The following RAB31 variants were observed in gnomAD, a reference collection of about 807,000 sequenced individuals.
RAB31 encodes ras-related protein Rab-31.
RAB31 carries 21 observed loss-of-function variants against 25.6 expected under a neutral mutation model. That is an observed-to-expected ratio of 0.82 (90% CI 0.58 to 1.18). The LOEUF (loss-of-function observed/expected upper bound fraction) is 1.18. RAB31 is among the 50% of genes most tolerant of loss of function. RAB31 has a pLI of 0.00. For missense variants in RAB31, 196 were observed against 250.1 expected (o/e 0.78, Z 1.46); for synonymous variants, 87 against 84.0 (o/e 1.04, Z -0.20).
chr18:9,785,458 T>G (rs1056358482), intron 2 of RAB31, among the ~76,000 whole-genome samples: 2 of 152,204 alleles, frequency 1.3e-5, no homozygotes, highest in African/African-American at 4.8e-5. Context: ...TCATGATATA[T>G]ATGTCATATT....
intron 1 of RAB31, chr18:9,734,824 C>A (rs139036930): frequency 1.6e-4 from 32 of 198,236 alleles, no homozygotes; most frequent in Admixed American, 1.1e-4. Context: ...TCCTTCCCTG[C>A]GGCTGCAAGC....
At chr18:9,812,481 A>G (rs377740212) in intron 3 of RAB31, among the ~76,000 whole-genome samples, 11 of 152,138 alleles carry the variant, frequency 7.2e-5, no homozygotes, top group African/African-American at 2.4e-4. Flanking sequence ...CCACACCAAC[A>G]CTGAACAGCA....
chr18:9,848,596 C>T (rs1196402430), intron 6 of RAB31, among the ~76,000 whole-genome samples: 2 of 152,192 alleles, frequency 1.3e-5, no homozygotes, highest in African/African-American at 2.4e-5. Flanking sequence ...ATTTATTTTT[C>T]TTTTCCCTGT....
intron 2 of RAB31, among the ~76,000 whole-genome samples, chr18:9,779,928 A>G (rs996808225): frequency 1.3e-5 from 2 of 152,194 alleles, no homozygotes; most frequent in Non-Finnish European, 2.9e-5. Flanking sequence ...TAATCCCAGC[A>G]CTGTGGGAGG....
At position 9,752,026 on chromosome 18, in the gene RAB31, C is replaced by G. The variant is rs1813053637; in HGVS notation, c.40-23252C>G. Among the ~76,000 whole-genome samples the G allele has an allele frequency of 2.0e-5, 3 of 152,170 alleles. No individual in the cohort carries two copies. In the South Asian group the frequency reaches 6.2e-4, roughly 31 times the overall value. Reference sequence around the variant, plus strand: ...GTCTTCTGGCTGCTTGGCTTAGCTCCTCTCTGCAACCCAGCTTCCTCTCGC... The same window carrying G: ...GTCTTCTGGCTGCTTGGCTTAGCTCGTCTCTGCAACCCAGCTTCCTCTCGC... On this transcript the variant is annotated intron_variant, in intron 1 of 6. Coordinates refer to ENST00000578921, the MANE Select transcript of RAB31 (RefSeq NM_006868.4).
chr18:9,824,760 C>T (rs1392337004), intron 5 of RAB31, among the ~76,000 whole-genome samples: 1 of 152,164 alleles, frequency 6.6e-6, no homozygotes. Context: ...GGATTTTTAG[C>T]TTGGATTTTT....
In RAB31 at chr18:9,781,474, G is replaced by A. The variant is rs934774790; in HGVS notation, c.119+6117G>A. Among the ~76,000 whole-genome samples the A allele has an allele frequency of 5.3e-5, 8 of 151,992 alleles. No individual in the cohort carries two copies. The East Asian group carries it at 9.6e-4, about 18-fold the overall frequency. ...TGGGATTACAGGCACTCGCCTCCAC[G>A]CCTGGCTGATGTATTTTTAGTAGAG... On this transcript the variant is annotated intron_variant, in intron 2 of 6. Coordinates refer to ENST00000578921, the MANE Select transcript of RAB31 (RefSeq NM_006868.4).
chr18:9,729,699 T>C (rs973957108), intron 1 of RAB31, among the ~76,000 whole-genome samples: 2 of 151,776 alleles, frequency 1.3e-5, no homozygotes, highest in Admixed American at 1.3e-4. Context: ...ATACCATGTA[T>C]TGATTAATTC....
rs745945689 is a variant in RAB31, at chr18:9,860,515, A to C, written c.*1190A>C. The C allele has an allele frequency of 2.0e-5, 3 of 152,216 alleles. No homozygotes were observed. Among genetic ancestry groups the C allele is most frequent in the African/African-American group, 7.2e-5 (3 of 41,454 alleles). 9.4% of individuals were successfully genotyped at this position (152,216 alleles called of 1,614,324 possible). On this transcript the variant is annotated 3_prime_UTR_variant, in exon 7 of 7. Coordinates refer to ENST00000578921, the MANE Select transcript of RAB31 (RefSeq NM_006868.4). ...GCTCAATTAAAGATGTTTGAATCCA[A>C]AGGAAGTCAAGGAAGAAAAAGCATG...
chr18:9,713,225 G>A (rs1039237687), intron 1 of RAB31, among the ~76,000 whole-genome samples: 10 of 152,290 alleles, frequency 6.6e-5, no homozygotes, highest in South Asian at 4.1e-4. Flanking sequence ...GGTTGGGCTA[G>A]GTAATGATCA....
At chr18:9,751,187 C>T (rs571911199) in intron 1 of RAB31, among the ~76,000 whole-genome samples, 3 of 152,088 alleles carry the variant, frequency 2.0e-5, no homozygotes, top group Non-Finnish European at 4.4e-5. Context: ...GCATGCACCA[C>T]CATGCCCGTC....
At chr18:9,781,438 T>A (rs2068403797) in intron 2 of RAB31, among the ~76,000 whole-genome samples, 1 of 152,174 alleles carries the variant, frequency 6.6e-6, no homozygotes, top group Non-Finnish European at 1.5e-5. Context: ...TGCCTCAGCC[T>A]CCCAAGTAGC....
At chr18:9,768,060 T>C (rs1326377172) in intron 1 of RAB31, among the ~76,000 whole-genome samples, 1 of 152,234 alleles carries the variant, frequency 6.6e-6, no homozygotes, top group Non-Finnish European at 1.5e-5. Flanking sequence ...CATCCTTTTT[T>C]ATGGCTTCAT....
intron 1 of RAB31, among the ~76,000 whole-genome samples, chr18:9,760,762 C>T (rs529830454): frequency 7.9e-5 from 12 of 152,230 alleles, no homozygotes; most frequent in East Asian, 5.8e-4. Flanking sequence ...CCGCTAAGGA[C>T]GCGTGGAATG....
At chr18:9,841,403 G>T (rs2068733016) in intron 5 of RAB31, among the ~76,000 whole-genome samples, 1 of 151,912 alleles carries the variant, frequency 6.6e-6, no homozygotes, top group Non-Finnish European at 1.5e-5. Flanking sequence ...GCCGAGCGTG[G>T]TGGCAGGCGC....
chr18:9,855,615 G>T (rs897119895), intron 6 of RAB31, among the ~76,000 whole-genome samples: 1 of 152,100 alleles, frequency 6.6e-6, no homozygotes, highest in Non-Finnish European at 1.5e-5. Context: ...GTTTGCGTTC[G>T]GCGTTTGCTT....
At position 9,773,571 on chromosome 18, in the gene RAB31, C is replaced by T. The variant is rs539887494; in HGVS notation, c.40-1707C>T. ...AGCCATTAACAATTGAGGGCAGATG[C>T]TTTTTTCTACTTTCTTCTACTTTTG... On this transcript the variant is annotated intron_variant, in intron 1 of 6. Coordinates refer to ENST00000578921, the MANE Select transcript of RAB31 (RefSeq NM_006868.4). Among the ~76,000 whole-genome samples the T allele has an allele frequency of 2.0e-3, 309 of 152,210 alleles. 1 individual carries two copies. The highest frequency in any genetic ancestry group is 7.1e-3 in the African/African-American group (294 of 41,524).
chr18:9,836,769 C>T (rs1299505478), intron 5 of RAB31, among the ~76,000 whole-genome samples: 3 of 142,370 alleles, frequency 2.1e-5, no homozygotes, highest in Non-Finnish European at 3.1e-5. Context: ...CAGGGTGAAG[C>T]ACATGGGTAG....
intron 1 of RAB31, among the ~76,000 whole-genome samples, chr18:9,770,509 G>T (rs1372861506): frequency 1.3e-5 from 2 of 152,190 alleles, no homozygotes; most frequent in East Asian, 3.8e-4. Flanking sequence ...AGAATAAGTG[G>T]TTGTTCTCAG....
Sources: gnomAD v4.1 joint callset for allele counts (sites outside exome capture counted in the v4.1 genomes callset) on GRCh38, gnomAD v4.1.1 for gene constraint, MANE v1.5 for transcripts, NCBI Gene and HGNC (gene_info 2026-07-23, HGNC 2026-07-21) for gene names.